The following TMEM132C variants were observed in gnomAD, a reference collection of about 807,000 sequenced individuals.
TMEM132C encodes transmembrane protein 132C.
Under a neutral mutation model 61.4 loss-of-function variants are expected in TMEM132C, and 29 were observed. The observed-to-expected ratio is 0.47, with a 90% CI of 0.35 to 0.64. TMEM132C has a LOEUF of 0.64. TMEM132C is among the 30% of genes least tolerant of loss of function. The pLI, the probability that TMEM132C is intolerant of heterozygous loss-of-function variation, is 0.00. For missense variants in TMEM132C, 1,408 were observed against 1,476.9 expected (o/e 0.95, Z 0.76); for synonymous variants, 656 against 633.1 (o/e 1.04, Z -0.54).
intron 5 of TMEM132C, among the ~76,000 whole-genome samples, chr12:128,684,388 A>T (rs1031844829): frequency 4.6e-5 from 7 of 152,200 alleles, no homozygotes; most frequent in African/African-American, 1.7e-4. Context: ...CAACATTTGG[A>T]TCCTACAAGG....
chr12:128,341,257 G>A (rs1376305651), intron 1 of TMEM132C, among the ~76,000 whole-genome samples: 1 of 152,064 alleles, frequency 6.6e-6, no homozygotes, highest in Admixed American at 6.6e-5. Context: ...CAGCTTCTGT[G>A]TTGCTTTTCA....
intron 2 of TMEM132C, among the ~76,000 whole-genome samples, chr12:128,502,459 T>C (rs1872215033): frequency 6.6e-6 from 1 of 152,220 alleles, no homozygotes; most frequent in South Asian, 2.1e-4. Context: ...TTTCTTTAAC[T>C]TGGTTACGAT....
At chr12:128,545,943 A>T (rs12367472) in intron 3 of TMEM132C, among the ~76,000 whole-genome samples, 38,225 of 152,084 alleles carry the variant, frequency 0.25, 4,833 homozygotes, top group South Asian at 0.3. Flanking sequence ...ATTACTGGAC[A>T]CATTTTCTTA....
At chr12:128,532,587 C>T (rs1873353389) in intron 2 of TMEM132C, among the ~76,000 whole-genome samples, 1 of 103,650 alleles carries the variant, frequency 9.6e-6, no homozygotes, top group Non-Finnish European at 1.7e-5. Flanking sequence ...TTGCAGTGAG[C>T]TGAGATCGCG....
intron 2 of TMEM132C, among the ~76,000 whole-genome samples, chr12:128,476,250 A>G (rs80218910): frequency 0.054 from 7,856 of 145,654 alleles, 647 homozygotes; most frequent in African/African-American, 0.19. Context: ...TCCACAAGAT[A>G]GGGATGCAGC....
At chr12:128,594,702 G>A (rs866368157) in intron 3 of TMEM132C, among the ~76,000 whole-genome samples, 13 of 152,300 alleles carry the variant, frequency 8.5e-5, no homozygotes, top group Non-Finnish European at 1.3e-4. Flanking sequence ...CATTTCCAGC[G>A]TGAACACAGT....
chr12:128,317,282 C>T (rs952055304), intron 1 of TMEM132C, among the ~76,000 whole-genome samples: 1 of 151,960 alleles, frequency 6.6e-6, no homozygotes, highest in Non-Finnish European at 1.5e-5. Flanking sequence ...TGTGGTTATA[C>T]AATAAAAAGA....
At chr12:128,294,608 C>G (rs901906567) in intron 1 of TMEM132C, among the ~76,000 whole-genome samples, 3 of 152,180 alleles carry the variant, frequency 2.0e-5, no homozygotes, top group African/African-American at 7.2e-5. Flanking sequence ...CTTGCAGTTC[C>G]AGAGCCCAGA....
At chr12:128,535,073 T>C (rs917379796) in intron 2 of TMEM132C, among the ~76,000 whole-genome samples, 9 of 152,214 alleles carry the variant, frequency 5.9e-5, no homozygotes, top group Non-Finnish European at 7.3e-5. Context: ...CATTTCCTGC[T>C]AGGGGCAATG....
intron 2 of TMEM132C, among the ~76,000 whole-genome samples, chr12:128,508,453 G>A (rs966544290): frequency 1.3e-5 from 2 of 152,166 alleles, no homozygotes; most frequent in African/African-American, 4.8e-5. Flanking sequence ...GTTAACAACC[G>A]TTTCTCCTGG....
chr12:128,517,395 A>G (rs893420053), intron 2 of TMEM132C, among the ~76,000 whole-genome samples: 5 of 152,120 alleles, frequency 3.3e-5, no homozygotes, highest in Non-Finnish European at 7.4e-5. Flanking sequence ...AGATCACACC[A>G]CTGCACTTCA....
At chr12:128,644,279 T>C (rs1954179480) in intron 4 of TMEM132C, among the ~76,000 whole-genome samples, 1 of 152,184 alleles carries the variant, frequency 6.6e-6, no homozygotes, top group South Asian at 2.1e-4. Flanking sequence ...CACATGGAGA[T>C]AGGAAGGGAA....
chr12:128,613,382 G>A (rs1410478435), intron 3 of TMEM132C, among the ~76,000 whole-genome samples: 3 of 152,204 alleles, frequency 2.0e-5, no homozygotes, highest in African/African-American at 4.8e-5. Flanking sequence ...ATAAAATGTA[G>A]CATCTCCTGT....
chr12:128,421,781 T>TA (rs1565931246), intron 2 of TMEM132C, among the ~76,000 whole-genome samples: 1 of 152,128 alleles, frequency 6.6e-6, no homozygotes, highest in Admixed American at 6.5e-5. Flanking sequence ...TTTTAAAAAA[T>TA]AAAAAATAAA....
chr12:128,596,010 C>T (rs1875932073), intron 3 of TMEM132C, among the ~76,000 whole-genome samples: 1 of 152,266 alleles, frequency 6.6e-6, no homozygotes, highest in South Asian at 2.1e-4. Flanking sequence ...CAGGGCCAGC[C>T]GCCCACTTCC....
intron 1 of TMEM132C, among the ~76,000 whole-genome samples, chr12:128,334,605 T>C (rs1872747789): frequency 6.6e-6 from 1 of 151,984 alleles, no homozygotes; most frequent in Non-Finnish European, 1.5e-5. Context: ...TTTCCTTTTT[T>C]TTTTTTTTGA....
intron 4 of TMEM132C, among the ~76,000 whole-genome samples, chr12:128,624,872 C>A (rs1029391680): frequency 2.0e-5 from 3 of 152,140 alleles, no homozygotes; most frequent in Non-Finnish European, 4.4e-5. Context: ...TGAAATCTGT[C>A]CATAGAGCCC....
At chr12:128,540,053 G>A (rs951716951) in intron 2 of TMEM132C, among the ~76,000 whole-genome samples, 17 of 151,180 alleles carry the variant, frequency 1.1e-4, no homozygotes, top group Non-Finnish European at 4.4e-5. Flanking sequence ...CTTCCACTTC[G>A]TCTTTTCTCT....
At position 128,527,772 on chromosome 12, in the gene TMEM132C, G is replaced by A. The variant is rs149641878; in HGVS notation, c.975-16185G>A. Among the ~76,000 whole-genome samples, 475 of 151,698 alleles carry A rather than the reference G, an allele frequency of 3.1e-3. 3 individuals are homozygous for A. The highest frequency in any genetic ancestry group is 0.01 in the African/African-American group (430 of 41,386). Reference sequence around the variant, plus strand: ...ATTTCCCCTACCATAGTGGAAAAAAGCATGGCATCAGGGCAATATTTTCAA... The same window carrying A: ...ATTTCCCCTACCATAGTGGAAAAAAACATGGCATCAGGGCAATATTTTCAA... On this transcript the variant is annotated intron_variant, in intron 2 of 8. Transcript: ENST00000435159.
Sources: allele counts gnomAD v4.1 joint callset (sites outside exome capture counted in the v4.1 genomes callset), GRCh38; gene constraint gnomAD v4.1.1; transcripts MANE v1.5; gene names NCBI Gene and HGNC (gene_info 2026-07-23, HGNC 2026-07-21).